The following DNAJB13 variants were observed in gnomAD, a reference collection of about 807,000 sequenced individuals.
The protein encoded by DNAJB13 is DnaJ heat shock protein family (Hsp40) member B13, also known as dnaJ homolog subfamily B member 13.
Under a neutral mutation model 35.6 loss-of-function variants are expected in DNAJB13, and 22 were observed. That is an observed-to-expected ratio of 0.62 (90% CI 0.44 to 0.88). The LOEUF is 0.88. Among genes scored for constraint, DNAJB13 ranks in the 40% least tolerant of loss-of-function variants. The probability of loss-of-function intolerance (pLI) is 0.00; values close to 1 mark genes in which losing one functional copy is unlikely to be tolerated. For synonymous variants in DNAJB13, 136 were observed against 144.2 expected (o/e 0.94, Z 0.41); for missense variants, 370 against 384.3 (o/e 0.96, Z 0.31).
At chr11:73,952,078 C>A (rs1950600951) in intron 1 of DNAJB13, among the ~76,000 whole-genome samples, 1 of 152,246 alleles carries the variant, frequency 6.6e-6, no homozygotes, top group Non-Finnish European at 1.5e-5. Context: ...TCCCTTACCT[C>A]ATGCAGCTAG....
intron 4 of DNAJB13, 195 bp downstream of exon 4, chr11:73,965,230 T>C (rs1591200218): frequency 1.7e-6 from 1 of 579,778 alleles, no homozygotes; most frequent in South Asian, 2.6e-5. Flanking sequence ...AGCCCGGTTC[T>C]TTCCTAGTGC....
chr11:73,957,152 T>C (rs1203533427), intron 1 of DNAJB13, among the ~76,000 whole-genome samples: 1 of 152,190 alleles, frequency 6.6e-6, no homozygotes, highest in African/African-American at 2.4e-5. Flanking sequence ...GGAGGCTTCC[T>C]TGCCCTCAGC....
chr11:73,951,183 C>A, intron 1 of DNAJB13, 46 bp downstream of exon 1: 1 of 1,605,958 alleles, frequency 6.2e-7, no homozygotes, highest in Non-Finnish European at 8.5e-7. Context: ...CTGGGGCAGG[C>A]CCTGCCCTCT....
chr11:73,962,895 G>T (rs181028030), intron 3 of DNAJB13, among the ~76,000 whole-genome samples: 1 of 152,094 alleles, frequency 6.6e-6, no homozygotes, highest in Non-Finnish European at 1.5e-5. Flanking sequence ...CAATCCATGC[G>T]CTGCCATTTG....
Position 73,970,017 on chromosome 11 carries a change from C to T in DNAJB13, c.854C>T (p.Thr285Ile), listed in dbSNP as rs756620670. The stretch of plus-strand genomic sequence containing the variant: ...GGGATGCCATTGCCGGAGGACCCCA[C>T]TAAGAAAGGGGATCTCTTCATCTTC... ...GEGMPLPEDP[T>I]KKGDLFIFFD... The change falls in exon 8 of 8, where the codon ACT (threonine) becomes ATT (isoleucine). Residue 285 changes from threonine (T) to isoleucine (I), a missense_variant. Transcript: ENST00000339764. The T allele has an allele frequency of 5.6e-6, 9 of 1,611,836 alleles. No homozygotes were observed. Among genetic ancestry groups the T allele is most frequent in the Middle Eastern group, 1.6e-4 (1 of 6,080 alleles).
rs3222042 is a variant in DNAJB13, at chr11:73,964,765, C to CTGTGTG, written c.335-70_335-65dup. ...TGGGGAGCATATCTGGATAGGGAGG[C>CTGTGTG]TGTGTGTGTGTGTGTGTGTGTGTGT... On this transcript the variant is annotated intron_variant, in intron 3 of 7. Transcript: ENST00000339764. The CTGTGTG allele has an allele frequency of 2.5e-3, 1,631 of 658,982 alleles. 8 individuals are homozygous for CTGTGTG. The highest frequency in any genetic ancestry group is 7.6e-3 in the East Asian group (218 of 28,862). 40.8% of individuals were successfully genotyped at this position (658,982 alleles called of 1,614,324 possible). A position where few individuals can be genotyped will look rare whatever the true frequency, so the allele number is the denominator to read the frequency against.
At chr11:73,966,071 G>C in intron 4 of DNAJB13, 67 bp from the exon 5 acceptor site, 1 of 1,433,750 alleles carries the variant, frequency 7.0e-7, no homozygotes, top group South Asian at 1.2e-5. Context: ...ATGAAAATCT[G>C]AGCAAATCTC....
At chr11:73,969,711 G>A (rs1951226451) in intron 7 of DNAJB13, among the ~76,000 whole-genome samples, 1 of 152,002 alleles carries the variant, frequency 6.6e-6, no homozygotes. Context: ...TCACCCCAGG[G>A]TTTGCTCACC....
chr11:73,962,652 T>A (rs923267139), intron 3 of DNAJB13, among the ~76,000 whole-genome samples: 3 of 152,220 alleles, frequency 2.0e-5, no homozygotes, highest in Non-Finnish European at 4.4e-5. Context: ...GATTTTTCAC[T>A]GCCTGTTTTC....
Position 73,968,475 on chromosome 11 carries a change from C to T in DNAJB13, c.720+17C>T, listed in dbSNP as rs201781253. 6.2e-7 allele frequency: 1 copy of T among 1,606,870 alleles called. No individual in the cohort carries two copies. The highest frequency in any genetic ancestry group is 8.5e-7 in the Non-Finnish European group (1 of 1,174,538). On this transcript the variant is annotated intron_variant, in intron 6 of 7. Coordinates refer to ENST00000339764, the MANE Select transcript of DNAJB13 (RefSeq NM_153614.4). ...CTTGGCAAGGTGAGTGGGCAAAGTG[C>T]AGGAGCAGCGGGGAGGAGATCAGAG...
At chr11:73,951,939 C>T (rs775142059) in intron 1 of DNAJB13, among the ~76,000 whole-genome samples, 16 of 151,808 alleles carry the variant, frequency 1.1e-4, no homozygotes, top group African/African-American at 3.6e-4. Context: ...AGTCACCGCA[C>T]CTGGCCAAAA....
At position 73,968,493 on chromosome 11, in the gene DNAJB13, G is replaced by A. The variant is rs774708247; in HGVS notation, c.720+35G>A. 5.7e-6 allele frequency: 9 copies of A among 1,578,272 alleles called. No homozygotes were observed. The East Asian group carries it at 9.0e-5, about 16-fold the overall frequency. On this transcript the variant is annotated intron_variant, in intron 6 of 7. Coordinates refer to ENST00000339764, the MANE Select transcript of DNAJB13 (RefSeq NM_153614.4). The stretch of plus-strand genomic sequence containing the variant: ...CAAAGTGCAGGAGCAGCGGGGAGGA[G>A]ATCAGAGTGAGCCCTGCCTGCCCCG...
chr11:73,957,699 G>T (rs556877169), intron 1 of DNAJB13, among the ~76,000 whole-genome samples: 1 of 152,184 alleles, frequency 6.6e-6, no homozygotes, highest in African/African-American at 2.4e-5. Flanking sequence ...GAGGGTGGGG[G>T]CGGCACAGGA....
chr11:73,961,164 C>G (rs1950922050), intron 3 of DNAJB13, among the ~76,000 whole-genome samples: 1 of 152,046 alleles, frequency 6.6e-6, no homozygotes, highest in South Asian at 2.1e-4. Flanking sequence ...TCTGTAGTTC[C>G]AGCTACTCAG....
intron 3 of DNAJB13, among the ~76,000 whole-genome samples, chr11:73,960,244 C>T (rs577357245): frequency 4.9e-4 from 74 of 152,210 alleles, no homozygotes; most frequent in African/African-American, 1.8e-3. Flanking sequence ...GTGGCATGAT[C>T]TCTGCTCACT....
chr11:73,953,404 C>A (rs143277269), intron 1 of DNAJB13, among the ~76,000 whole-genome samples: 1 of 152,142 alleles, frequency 6.6e-6, no homozygotes, highest in African/African-American at 2.4e-5. Context: ...CTGGGAGCAT[C>A]GGCCAGCTAC....
rs556242082 is a variant in DNAJB13, at chr11:73,960,355, A to G, written c.334+700A>G. Among the ~76,000 whole-genome samples, 197 of 151,424 alleles carry G rather than the reference A, an allele frequency of 1.3e-3. 1 individual carries two copies. The highest frequency in any genetic ancestry group is 4.6e-3 in the African/African-American group (188 of 41,288). ...CACCACACCCAGCTAATAATTTTAT[A>G]TTTTTTAGTAGAGACGTGGTTTCAC... is the stretch of plus-strand genomic sequence containing the variant. On this transcript the variant is annotated intron_variant, in intron 3 of 7. Transcript: ENST00000339764.
Position 73,966,244 on chromosome 11 carries a change from G to A in DNAJB13, c.599G>A (p.Gly200Glu), listed in dbSNP as rs1282569549. Residue 200 changes from glycine to glutamate, a missense_variant, in exon 5 of 8, where the codon GGG becomes GAG. By Grantham distance (98) the Gly-to-Glu change is moderately conservative. Transcript: ENST00000339764. ...ACACGCATCACCTTTGAGAAGGAAG[G>A]GGACCAGGTGAGGGGGGAAGAAGCT... The part of the protein sequence containing the change: ...QGTRITFEKE[G>E]DQGPNIIPAD... 1.9e-6 allele frequency: 3 copies of A among 1,612,238 alleles called. No individual in the cohort carries two copies. Among genetic ancestry groups the A allele is most frequent in the Non-Finnish European group, 1.7e-6 (2 of 1,179,302 alleles).
At chr11:73,969,862 C>A in intron 7 of DNAJB13, 99 bp from the exon 8 acceptor site, 1 of 1,442,654 alleles carries the variant, frequency 6.9e-7, no homozygotes, top group Non-Finnish European at 9.3e-7. Flanking sequence ...AGTGACTGTC[C>A]CCTTCCTGGG....
Sources: gnomAD v4.1 joint callset for allele counts (sites outside exome capture counted in the v4.1 genomes callset) on GRCh38, gnomAD v4.1.1 for gene constraint, MANE v1.5 for transcripts, NCBI Gene and HGNC (gene_info 2026-07-23, HGNC 2026-07-21) for gene names.